Variants in TWSG1 observed in about 807,000 individuals in gnomAD.
TWSG1 encodes the protein twisted gastrulation BMP signaling modulator 1, also known as twisted gastrulation protein homolog 1.
A neutral mutation model predicts 23.0 loss-of-function variants in TWSG1; 15 were observed. That is an observed-to-expected ratio of 0.65 (90% CI 0.44 to 1.00). The LOEUF (loss-of-function observed/expected upper bound fraction) is 1.00. Ranked by LOEUF, TWSG1 falls within the 50% of genes least tolerant of loss-of-function variation. The pLI, the probability that TWSG1 is intolerant of heterozygous loss-of-function variation, is 0.00. For synonymous variants in TWSG1, 86 were observed against 92.8 expected (o/e 0.93, Z 0.42); for missense variants, 242 against 278.7 (o/e 0.87, Z 0.94).
intron 3 of TWSG1, among the ~76,000 whole-genome samples, chr18:9,377,215 C>G (rs745797476): frequency 7.9e-5 from 12 of 151,346 alleles, no homozygotes; most frequent in Non-Finnish European, 7.4e-5. Context: ...TTTTGTTTTT[C>G]TTTTTCTTTT....
intron 3 of TWSG1, among the ~76,000 whole-genome samples, chr18:9,389,258 G>A (rs1413510062): frequency 6.6e-6 from 1 of 152,144 alleles, no homozygotes; most frequent in African/African-American, 2.4e-5. Context: ...TTACAGGTGT[G>A]AACCACTGCA....
chr18:9,383,402 C>T lies in TWSG1; in HGVS notation c.224-12878C>T, dbSNP rs542498434. Among the ~76,000 whole-genome samples, 23 of 152,144 alleles carry T rather than the reference C, an allele frequency of 1.5e-4. No homozygotes were observed. In the South Asian group the frequency reaches 2.1e-3, roughly 14 times the overall value. ...AGAGACAGGTTTTCACCATGTTGGC[C>T]AGGCTGGTCTCGAACTCCTGACCTT... On this transcript the variant is annotated intron_variant, in intron 3 of 4. Transcript: ENST00000262120.
Position 9,399,520 on chromosome 18 carries a change from T to C in TWSG1, c.665T>C (p.Met222Thr), listed in dbSNP as rs771459281. ...GSKTVKCMNC[M>T]F Reference sequence around the variant, plus strand: ...AAAACTGTCAAATGTATGAACTGCATGTTTTAAAGAAGACAAATGCAAACC... The same window carrying C: ...AAAACTGTCAAATGTATGAACTGCACGTTTTAAAGAAGACAAATGCAAACC... Residue 222 changes from methionine to threonine, a missense_variant, in exon 5 of 5, where the codon ATG (methionine) becomes ACG (threonine). Coordinates refer to ENST00000262120, the MANE Select transcript of TWSG1 (RefSeq NM_020648.6). 2.3e-5 allele frequency: 37 copies of C among 1,601,446 alleles called. No individual in the cohort carries two copies. Among genetic ancestry groups the C allele is most frequent in the Non-Finnish European group, 3.1e-5 (37 of 1,176,360 alleles).
At chr18:9,381,658 C>T (rs2040656913) in intron 3 of TWSG1, among the ~76,000 whole-genome samples, 1 of 152,080 alleles carries the variant, frequency 6.6e-6, no homozygotes, top group Non-Finnish European at 1.5e-5. Flanking sequence ...TGAACATATC[C>T]TTGAACATAG....
chr18:9,401,513 A>T lies in TWSG1; in HGVS notation c.*1986A>T, dbSNP rs1380957369. 1 of 152,054 alleles carries T rather than the reference A, an allele frequency of 6.6e-6. No homozygotes were observed. Among genetic ancestry groups the T allele is most frequent in the East Asian group, 1.9e-4 (1 of 5,194 alleles). 9.4% of individuals were successfully genotyped at this position (152,054 alleles called of 1,614,324 possible). A position where few individuals can be genotyped will look rare whatever the true frequency, so the allele number is the denominator to read the frequency against. On this transcript the variant is annotated 3_prime_UTR_variant, in exon 5 of 5. Coordinates refer to ENST00000262120, the MANE Select transcript of TWSG1 (RefSeq NM_020648.6). ...ATGTAATATCTGTTTCCCACCCCCT[A>T]CATTAGGAGGATAATTTCTTAAACC...
At chr18:9,337,491 A>G (rs959046201) in intron 2 of TWSG1, 139 bp downstream of exon 2, 4 of 886,066 alleles carry the variant, frequency 4.5e-6, no homozygotes, top group South Asian at 3.7e-5. Context: ...CTGAATCATG[A>G]CACACAGGTC....
At chr18:9,335,691 A>G (rs2040419751) in intron 1 of TWSG1, among the ~76,000 whole-genome samples, 1 of 152,202 alleles carries the variant, frequency 6.6e-6, no homozygotes, top group South Asian at 2.1e-4. Flanking sequence ...ATTAGTTACT[A>G]ACGGTCTTTA....
intron 3 of TWSG1, among the ~76,000 whole-genome samples, chr18:9,384,198 G>A (rs750939557): frequency 7.2e-5 from 11 of 152,118 alleles, no homozygotes; most frequent in Non-Finnish European, 1.2e-4. Context: ...GAGGGGTGAT[G>A]GGAGCCAGGA....
intron 3 of TWSG1, among the ~76,000 whole-genome samples, chr18:9,370,808 G>T (rs942306503): frequency 2.4e-4 from 37 of 152,042 alleles, no homozygotes; most frequent in African/African-American, 8.0e-4. Context: ...ATCCTTTTCT[G>T]CTTTGAGCCC....
chr18:9,372,661 C>T (rs775700192), intron 3 of TWSG1, among the ~76,000 whole-genome samples: 1 of 151,396 alleles, frequency 6.6e-6, no homozygotes, highest in Non-Finnish European at 1.5e-5. Flanking sequence ...TTATAAGGTA[C>T]TCACATTACC....
chr18:9,371,719 A>G (rs2040606127), intron 3 of TWSG1, among the ~76,000 whole-genome samples: 1 of 151,970 alleles, frequency 6.6e-6, no homozygotes, highest in Non-Finnish European at 1.5e-5. Flanking sequence ...GTTCTTCTCC[A>G]GTAGCAATGA....
chr18:9,390,424 G>C (rs1217630496), intron 3 of TWSG1, among the ~76,000 whole-genome samples: 1 of 152,102 alleles, frequency 6.6e-6, no homozygotes, highest in Non-Finnish European at 1.5e-5. Context: ...GCCTCCCAAA[G>C]TGCTGGGATT....
intron 3 of TWSG1, among the ~76,000 whole-genome samples, chr18:9,360,305 T>A (rs1041439417): frequency 1.3e-5 from 2 of 152,230 alleles, no homozygotes; most frequent in Non-Finnish European, 2.9e-5. Context: ...CAAGGCAGAA[T>A]GTTTAACTTT....
chr18:9,352,624 A>G lies in TWSG1; in HGVS notation c.124-7348A>G, dbSNP rs150232119. 9.7e-4 allele frequency among the ~76,000 whole-genome samples: 147 copies of G among 152,266 alleles called. 2 individuals are homozygous for G. Among genetic ancestry groups the G allele is most frequent in the African/African-American group, 3.4e-3 (142 of 41,560 alleles). On this transcript the variant is annotated intron_variant, in intron 2 of 4. Transcript: ENST00000262120. ...ATCTTGTAAGTCCAAGTCATTTGCT[A>G]TCTTTACTAGAATATAATGTTGTTT... is the stretch of plus-strand genomic sequence containing the variant.
At chr18:9,395,845 GCGTGAGCCA>G (rs1297852106) in intron 3 of TWSG1, among the ~76,000 whole-genome samples, 1 of 152,182 alleles carries the variant, frequency 6.6e-6, no homozygotes, top group East Asian at 1.9e-4. Flanking sequence ...GGGATTATAG[GCGTGAGCCA>G]CTGCGCTCAG....
At chr18:9,398,235 A>G (rs1452238888) in intron 4 of TWSG1, among the ~76,000 whole-genome samples, 2 of 152,168 alleles carry the variant, frequency 1.3e-5, no homozygotes, top group African/African-American at 4.8e-5. Flanking sequence ...AAATGTAAGT[A>G]ATCAACATAA....
At chr18:9,375,637 T>C (rs2040626589) in intron 3 of TWSG1, among the ~76,000 whole-genome samples, 1 of 152,172 alleles carries the variant, frequency 6.6e-6, no homozygotes, top group South Asian at 2.1e-4. Flanking sequence ...GCAATTACAG[T>C]AAAGTTGCAG....
At chr18:9,363,473 C>G (rs1307925950) in intron 3 of TWSG1, among the ~76,000 whole-genome samples, 1 of 152,130 alleles carries the variant, frequency 6.6e-6, no homozygotes, top group Non-Finnish European at 1.5e-5. Flanking sequence ...CTATCTTCCC[C>G]CACAACCTTT....
At chr18:9,383,054 G>A (rs2040665397) in intron 3 of TWSG1, among the ~76,000 whole-genome samples, 1 of 152,036 alleles carries the variant, frequency 6.6e-6, no homozygotes, top group Non-Finnish European at 1.5e-5. Flanking sequence ...AAGGAGAAGG[G>A]TAGAGAATGA....
Sources: gnomAD v4.1 joint callset for allele counts (sites outside exome capture counted in the v4.1 genomes callset) on GRCh38, gnomAD v4.1.1 for gene constraint, MANE v1.5 for transcripts, NCBI Gene and HGNC (gene_info 2026-07-23, HGNC 2026-07-21) for gene names.